Variants in PDCD4 observed in about 807,000 individuals in gnomAD.
The protein encoded by PDCD4 is programmed cell death protein 4.
In PDCD4, 56 loss-of-function variants were observed where a neutral mutation model predicts 54.0. The ratio of observed to expected loss-of-function variants is 1.04; its 90% CI spans 0.84 to 1.30. The LOEUF is 1.30. Among genes scored for constraint, PDCD4 ranks in the 50% most tolerant of loss-of-function variants. The pLI is 0.00. For synonymous variants in PDCD4, 186 were observed against 194.8 expected, an observed-to-expected ratio of 0.95 and a Z score of 0.37; for missense variants, 584 against 559.8, an observed-to-expected ratio of 1.04 and a Z score of -0.44.
chr10:110,892,378 T>C (rs1432885089), intron 8 of PDCD4, among the ~76,000 whole-genome samples: 1 of 152,182 alleles, frequency 6.6e-6, no homozygotes, highest in Non-Finnish European at 1.5e-5. Context: ...GAAATAAAAC[T>C]GCCAGTATAT....
At chr10:110,878,021 T>G (rs1203471858) in intron 2 of PDCD4, among the ~76,000 whole-genome samples, 1 of 152,194 alleles carries the variant, frequency 6.6e-6, no homozygotes, top group Non-Finnish European at 1.5e-5. Context: ...GGTGCTGTGG[T>G]CATATACAAT....
At chr10:110,884,626 T>C (rs1038407268) in intron 4 of PDCD4, 48 of 152,118 alleles carry the variant, frequency 3.2e-4, no homozygotes, top group Admixed American at 3.1e-3. Context: ...TTTTGATTAC[T>C]AAAAGATTGG....
rs1344463009 is a variant in PDCD4, at chr10:110,899,130, G to A, written c.*1042G>A. ...GAAAATATTACCAATTAACAATAAAGAATGATCATATTTTTAACCTCTTTT... is the reference window on the plus strand; with the variant it reads ...GAAAATATTACCAATTAACAATAAAAAATGATCATATTTTTAACCTCTTTT... On this transcript the variant is annotated 3_prime_UTR_variant, in exon 12 of 12. Coordinates refer to ENST00000280154, the MANE Select transcript of PDCD4 (RefSeq NM_014456.5). 1.3e-5 allele frequency: 2 copies of A among 152,076 alleles called. No individual in the cohort carries two copies. Among genetic ancestry groups the A allele is most frequent in the African/African-American group, 4.8e-5 (2 of 41,410 alleles). The allele number at this position is 152,076 out of a possible 1,614,324, so 9.4% of individuals were successfully genotyped here.
rs749594671 is a variant in PDCD4 at position 110,898,190 on chromosome 10, T to G, written c.*102T>G. On this transcript the variant is annotated 3_prime_UTR_variant, in exon 12 of 12. Transcript: ENST00000280154. Reference sequence around the variant, plus strand: ...TTTTTTTTTTTTTTAAGCACTTGTTTTGGGTACAAGGCATTTCTGACATTT... The same window carrying G: ...TTTTTTTTTTTTTTAAGCACTTGTTGTGGGTACAAGGCATTTCTGACATTT... 2 of 547,956 alleles carry G rather than the reference T, an allele frequency of 3.6e-6. No individual in the cohort carries two copies. The highest frequency in any genetic ancestry group is 8.4e-5 in the South Asian group (2 of 23,838). 33.9% of individuals were successfully genotyped at this position (547,956 alleles called of 1,614,324 possible). A position where few individuals can be genotyped will look rare whatever the true frequency, so the allele number is the denominator to read the frequency against.
intron 2 of PDCD4, among the ~76,000 whole-genome samples, chr10:110,876,294 A>T: frequency 6.6e-6 from 1 of 152,204 alleles, no homozygotes; most frequent in South Asian, 2.1e-4. Flanking sequence ...GGATTTCACT[A>T]TGTTGCCTAG....
At chr10:110,876,716 C>A in intron 2 of PDCD4, 1 of 1,315,648 alleles carries the variant, frequency 7.6e-7, no homozygotes, top group Non-Finnish European at 1.0e-6. Flanking sequence ...ATGTTATTAT[C>A]ATAAAAATGA....
chr10:110,887,028 A>G (rs934185755), intron 5 of PDCD4, among the ~76,000 whole-genome samples: 2 of 152,206 alleles, frequency 1.3e-5, no homozygotes, highest in African/African-American at 4.8e-5. Flanking sequence ...TAGTAATAAT[A>G]GATTGTAAGG....
rs1845877708 is a variant in PDCD4 at position 110,898,170 on chromosome 10, T to C, written c.*82T>C. 4 of 827,868 alleles carry C rather than the reference T, an allele frequency of 4.8e-6. No individual in the cohort carries two copies. The African/African-American group carries it at 5.4e-5, about 11-fold the overall frequency. The allele number at this position is 827,868 out of a possible 1,614,324, so 51.3% of individuals were successfully genotyped here. ...GTTGTTAGCACAAGTTTTTTTTTTTTTTTTTTTTAAGCACTTGTTTTGGGT... is the reference window on the plus strand; with the variant it reads ...GTTGTTAGCACAAGTTTTTTTTTTTCTTTTTTTTAAGCACTTGTTTTGGGT... On this transcript the variant is annotated 3_prime_UTR_variant, in exon 12 of 12. Coordinates refer to ENST00000280154, the MANE Select transcript of PDCD4 (RefSeq NM_014456.5).
At chr10:110,876,424 G>T (rs964844165) in intron 2 of PDCD4, among the ~76,000 whole-genome samples, 2 of 152,134 alleles carry the variant, frequency 1.3e-5, no homozygotes, top group African/African-American at 4.8e-5. Context: ...TAAGAAAACA[G>T]GCTATATTAT....
rs1333150189 is a variant in PDCD4 at position 110,887,895 on chromosome 10, G to A, written c.777+9G>A. The A allele has an allele frequency of 6.4e-7, 1 of 1,553,628 alleles. No homozygotes were observed. The highest frequency in any genetic ancestry group is 1.7e-5 in the Admixed American group (1 of 59,570). On this transcript the variant is annotated intron_variant, in intron 6 of 11. Coordinates refer to ENST00000280154, the MANE Select transcript of PDCD4 (RefSeq NM_014456.5). ...CTCCTAGAGCACCACAGGTTTGTAT[G>A]ATTCTTCTTTTTGTTCATTCCCTCC... is the stretch of plus-strand genomic sequence containing the variant.
intron 4 of PDCD4, among the ~76,000 whole-genome samples, chr10:110,884,032 G>A (rs927381262): frequency 4.6e-5 from 7 of 152,116 alleles, no homozygotes; most frequent in African/African-American, 9.7e-5. Context: ...TTCACTTTCC[G>A]CAGTTTCAGT....
chr10:110,887,414 G>T (rs528632982), intron 5 of PDCD4, among the ~76,000 whole-genome samples: 1 of 152,118 alleles, frequency 6.6e-6, no homozygotes, highest in Non-Finnish European at 1.5e-5. Context: ...TATTTTAAAG[G>T]TATTTCACAT....
At chr10:110,878,165 A>G (rs575606825) in intron 2 of PDCD4, among the ~76,000 whole-genome samples, 1 of 152,332 alleles carries the variant, frequency 6.6e-6, no homozygotes, top group East Asian at 1.9e-4. Flanking sequence ...TCAGCTCAAT[A>G]GGGGTTATGG....
intron 1 of PDCD4, among the ~76,000 whole-genome samples, chr10:110,872,721 A>G (rs1845438709): frequency 6.6e-6 from 1 of 152,236 alleles, no homozygotes; most frequent in Admixed American, 6.5e-5. Context: ...GTCTTCCGGC[A>G]AAGGGTCTCT....
intron 7 of PDCD4, 86 bp from the exon 8 acceptor site, chr10:110,890,470 T>TA (rs1845737371): frequency 1.7e-6 from 1 of 571,988 alleles, no homozygotes; most frequent in Non-Finnish European, 3.1e-6. Context: ...ATTTAGGGCA[T>TA]ATAGGATTTT....
rs760334797 is a variant in PDCD4, at chr10:110,893,931, A to C, written c.991-160A>C. 2.8e-3 allele frequency among the ~76,000 whole-genome samples: 420 copies of C among 152,204 alleles called. 2 individuals are homozygous for C. The highest frequency in any genetic ancestry group is 3.5e-3 in the Non-Finnish European group (237 of 67,954). On this transcript the variant is annotated intron_variant, in intron 8 of 11. Transcript: ENST00000280154. ...ATTGGGGATTTATTTTTTAATTATG[A>C]AAAATTCTGTTGTAATAGTACCACA...
Position 110,894,164 on chromosome 10 carries a change from A to C in PDCD4, c.1064A>C (p.Glu355Ala). 1 of 1,603,602 alleles carries C rather than the reference A, an allele frequency of 6.2e-7. No individual in the cohort carries two copies. The highest frequency in any genetic ancestry group is 8.5e-7 in the Non-Finnish European group (1 of 1,170,698). The change falls in exon 9 of 12, where the codon GAA becomes GCA. Residue 355 changes from glutamate (E) to alanine (A), a missense_variant. Transcript: ENST00000280154. ...GCTGAACATTGCCTTAAGGAACTGG[A>C]AGTACCTCATTTTCACCATGAGCTT... ...SEAEHCLKEL[E>A]VPHFHHELVY... is the part of the protein sequence containing the mutation.
chr10:110,882,914 C>A, intron 3 of PDCD4, 89 bp from the exon 4 acceptor site: 1 of 818,320 alleles, frequency 1.2e-6, no homozygotes, highest in South Asian at 1.5e-5. Context: ...TTTTTTTTAG[C>A]TGTTGTTTAA....
At position 110,894,074 on chromosome 10, in the gene PDCD4, A is replaced by G. The variant is rs1590737569; in HGVS notation, c.991-17A>G. ...AAGTTAGGAATTCTGACACATCTCA[A>G]CTTTTAAATCTAATAGATTGATATG... On this transcript the variant is annotated splice_polypyrimidine_tract_variant and intron_variant, in intron 8 of 11. Coordinates refer to ENST00000280154, the MANE Select transcript of PDCD4 (RefSeq NM_014456.5). 1.4e-6 allele frequency: 2 copies of G among 1,472,484 alleles called. No homozygotes were observed. Among genetic ancestry groups the G allele is most frequent in the East Asian group, 2.3e-5 (1 of 44,052 alleles). 91.2% of individuals were successfully genotyped at this position (1,472,484 alleles called of 1,614,324 possible). A position where few individuals can be genotyped will look rare whatever the true frequency, so the allele number is the denominator to read the frequency against.
Sources: gnomAD v4.1 joint callset for allele counts (sites outside exome capture counted in the v4.1 genomes callset) on GRCh38, gnomAD v4.1.1 for gene constraint, MANE v1.5 for transcripts, NCBI Gene and HGNC (gene_info 2026-07-23, HGNC 2026-07-21) for gene names.